CPNE5: variants seen among roughly 807,000 people sequenced by gnomAD.
The protein encoded by CPNE5 is copine-5.
In CPNE5, 42 loss-of-function variants were observed where a neutral mutation model predicts 81.1. That is an observed-to-expected ratio of 0.52 (90% CI 0.40 to 0.67). The LOEUF is 0.67. Among genes scored for constraint, CPNE5 ranks in the 30% least tolerant of loss-of-function variants. The pLI is 0.00. For synonymous variants in CPNE5, 313 were observed against 321.5 expected (o/e 0.97, Z 0.28); for missense variants, 612 against 815.5 (o/e 0.75, Z 3.04).
chr6:36,829,809 T>C (rs570183612), intron 1 of CPNE5, among the ~76,000 whole-genome samples: 3 of 46,226 alleles, frequency 6.5e-5, no homozygotes, highest in African/African-American at 1.6e-4. Context: ...TGTGGCTCCA[T>C]CTCAAAAAAA....
chr6:36,780,493 C>T (rs1183208142), intron 8 of CPNE5, among the ~76,000 whole-genome samples: 1 of 152,240 alleles, frequency 6.6e-6, no homozygotes, highest in African/African-American at 2.4e-5. Flanking sequence ...GTTATTCACC[C>T]TCTGTGTGCT....
intron 8 of CPNE5, among the ~76,000 whole-genome samples, chr6:36,780,050 C>T (rs966604045): frequency 5.9e-5 from 9 of 151,856 alleles, no homozygotes; most frequent in East Asian, 5.8e-4. Context: ...CTGCAAGCTC[C>T]GCCTCCCAGG....
intron 3 of CPNE5, among the ~76,000 whole-genome samples, chr6:36,808,825 C>T (rs1201749208): frequency 1.3e-5 from 2 of 152,224 alleles, no homozygotes; most frequent in Non-Finnish European, 2.9e-5. Flanking sequence ...CTATTATCCC[C>T]ACTTTACAGA....
Position 36,775,197 on chromosome 6 carries a change from G to A in CPNE5, c.633-132C>T, listed in dbSNP as rs1235681261. On this transcript the variant is annotated intron_variant, in intron 9 of 20. Coordinates refer to ENST00000244751, the MANE Select transcript of CPNE5 (RefSeq NM_020939.2). ...GGAAATGATGGCTTCAAAAGGTGAT[G>A]AGCTGCCCATCACTGACAGCAGCCA... 1.8e-5 allele frequency: 12 copies of A among 680,800 alleles called. No individual in the cohort carries two copies. In the African/African-American group the frequency reaches 2.0e-4, roughly 11 times the overall value. The allele number at this position is 680,800 out of a possible 1,614,324, so 42.2% of individuals were successfully genotyped here.
intron 10 of CPNE5, among the ~76,000 whole-genome samples, chr6:36,770,919 A>G (rs1006077030): frequency 1.3e-5 from 2 of 152,026 alleles, no homozygotes; most frequent in Non-Finnish European, 2.9e-5. Flanking sequence ...CAAATCTGTG[A>G]GTAAGAATCT....
intron 1 of CPNE5, among the ~76,000 whole-genome samples, chr6:36,825,156 C>T (rs746014584): frequency 2.0e-5 from 3 of 152,130 alleles, no homozygotes; most frequent in African/African-American, 4.8e-5. Flanking sequence ...GACAGCCTGT[C>T]GGGCAACTTG....
At chr6:36,799,487 A>G (rs949685886) in intron 4 of CPNE5, among the ~76,000 whole-genome samples, 1 of 152,186 alleles carries the variant, frequency 6.6e-6, no homozygotes, top group Non-Finnish European at 1.5e-5. Flanking sequence ...CTTTAATGTC[A>G]GGAGAAAGGC....
At chr6:36,805,042 C>G (rs1770463694) in intron 3 of CPNE5, among the ~76,000 whole-genome samples, 2 of 152,170 alleles carry the variant, frequency 1.3e-5, no homozygotes, top group African/African-American at 4.8e-5. Context: ...ATTTTAAAAT[C>G]TGAGAAGCCA....
At chr6:36,777,298 G>A (rs1767597137) in intron 9 of CPNE5, among the ~76,000 whole-genome samples, 1 of 151,900 alleles carries the variant, frequency 6.6e-6, no homozygotes, top group African/African-American at 2.4e-5. Context: ...CAGGGTGGGA[G>A]CTGGTAGTAC....
At chr6:36,767,456 C>T (rs1012841054) in intron 10 of CPNE5, among the ~76,000 whole-genome samples, 1 of 152,208 alleles carries the variant, frequency 6.6e-6, no homozygotes, top group Non-Finnish European at 1.5e-5. Context: ...TGAGCCAGAA[C>T]AAGACCAAGG....
intron 12 of CPNE5, among the ~76,000 whole-genome samples, chr6:36,756,658 C>T (rs954162554): frequency 6.6e-6 from 1 of 152,222 alleles, no homozygotes; most frequent in Admixed American, 6.5e-5. Flanking sequence ...TTGGTTGAGG[C>T]TGCTCCCCTC....
intron 8 of CPNE5, among the ~76,000 whole-genome samples, chr6:36,783,515 A>G (rs1371264383): frequency 7.7e-6 from 1 of 129,744 alleles, no homozygotes; most frequent in Non-Finnish European, 1.6e-5. Context: ...TTTGTTTTTC[A>G]GACAGGTTCT....
Position 36,742,441 on chromosome 6 carries a change from G to A in CPNE5, c.1609C>T (p.Leu537=). The change falls in exon 21 of 21, where the codon CTG becomes TTG. Residue 537 remains leucine (L), a synonymous_variant. Transcript: ENST00000244751. Reference sequence around the variant, plus strand: ...TCTCGGGCCAGGCGGGCCATGCTCAGCACGTGGTTGCCTGTGCGGTCCACG... The same window carrying A: ...TCTCGGGCCAGGCGGGCCATGCTCAACACGTGGTTGCCTGTGCGGTCCACG... ...DYVDRTGNHV[L]SMARLARDVL... is the part of the protein sequence containing the mutation. 1 of 1,613,474 alleles carries A rather than the reference G, an allele frequency of 6.2e-7. No individual in the cohort carries two copies. Among genetic ancestry groups the A allele is most frequent in the Non-Finnish European group, 8.5e-7 (1 of 1,179,986 alleles).
intron 10 of CPNE5, among the ~76,000 whole-genome samples, chr6:36,769,493 T>G (rs1331284130): frequency 6.6e-6 from 1 of 152,260 alleles, no homozygotes; most frequent in Non-Finnish European, 1.5e-5. Flanking sequence ...CTGCAAGGTC[T>G]GCCTCCTAAT....
At chr6:36,756,410 G>C in intron 12 of CPNE5, 112 bp from the exon 13 acceptor site, 1 of 836,486 alleles carries the variant, frequency 1.2e-6, no homozygotes, top group Non-Finnish European at 2.0e-6. Context: ...ATTAGAGTGT[G>C]GGGTGTGAAG....
rs1317321160 is a variant in CPNE5 at position 36,741,311 on chromosome 6, C to T, written c.*957G>A. On this transcript the variant is annotated 3_prime_UTR_variant, in exon 21 of 21. Coordinates refer to ENST00000244751, the MANE Select transcript of CPNE5 (RefSeq NM_020939.2). ...GTGGTACAGACATGGAAACTGAGGCCCAAAAGGTAGAAGGGCCTTGCTTGG... is the reference window on the plus strand; with the variant it reads ...GTGGTACAGACATGGAAACTGAGGCTCAAAAGGTAGAAGGGCCTTGCTTGG... The T allele has an allele frequency of 6.6e-6, 1 of 152,082 alleles. No individual in the cohort carries two copies. Among genetic ancestry groups the T allele is most frequent in the Non-Finnish European group, 1.5e-5 (1 of 68,026 alleles). The allele number at this position is 152,082 out of a possible 1,614,324, so 9.4% of individuals were successfully genotyped here. A position where few individuals can be genotyped will look rare whatever the true frequency, so the allele number is the denominator to read the frequency against.
rs781747074 is a variant in CPNE5 at position 36,792,099 on chromosome 6, G to T, written c.465-3C>A. On this transcript the variant is annotated splice_polypyrimidine_tract_variant and splice_region_variant and intron_variant, in intron 7 of 20. Coordinates refer to ENST00000244751, the MANE Select transcript of CPNE5 (RefSeq NM_020939.2). ...CACATTTCTTTCCTGGGACACCACT[G>T]GGAGAGGAGAAGATGAAAGAATGGA... The T allele has an allele frequency of 6.2e-7, 1 of 1,613,346 alleles. No homozygotes were observed. Among genetic ancestry groups the T allele is most frequent in the African/African-American group, 1.3e-5 (1 of 75,000 alleles).
rs1441250498 is a variant in CPNE5, at chr6:36,746,303, G to C, written c.1200+93C>G. On this transcript the variant is annotated intron_variant, in intron 16 of 20. Coordinates refer to ENST00000244751, the MANE Select transcript of CPNE5 (RefSeq NM_020939.2). This position sits in a 1 kb window ranked among gnomAD's most constrained non-coding sequence, Gnocchi z 4.5. ...CACTGAGGCTGAGCCTTAAGTCCCC[G>C]GGCTCAGAGGAAGGGAAACGTCCCC... 2.0e-6 allele frequency: 3 copies of C among 1,472,302 alleles called. No individual in the cohort carries two copies. The highest frequency in any genetic ancestry group is 1.8e-6 in the Non-Finnish European group (2 of 1,107,036). 91.2% of individuals were successfully genotyped at this position (1,472,302 alleles called of 1,614,324 possible). A position where few individuals can be genotyped will look rare whatever the true frequency, so the allele number is the denominator to read the frequency against.
At chr6:36,757,378 C>A (rs1765587249) in intron 12 of CPNE5, 1 of 985,208 alleles carries the variant, frequency 1.0e-6, no homozygotes, top group South Asian at 4.7e-5. Flanking sequence ...ACCGTGGTCT[C>A]TTCTGTCTGG....
Sources: allele counts gnomAD v4.1 joint callset (sites outside exome capture counted in the v4.1 genomes callset), GRCh38; gene constraint gnomAD v4.1.1; non-coding constraint Gnocchi (gnomAD v3.1); transcripts MANE v1.5; gene names NCBI Gene and HGNC (gene_info 2026-07-23, HGNC 2026-07-21).